ALMS1: variants seen among roughly 807,000 people sequenced by gnomAD.
ALMS1 encodes the protein ALMS1 centrosome and basal body associated protein.
In ALMS1, 271 loss-of-function variants were observed where a neutral mutation model predicts 352.2. The observed-to-expected ratio is 0.77, with a 90% CI of 0.70 to 0.85. ALMS1 has a LOEUF of 0.85. Among genes scored for constraint, ALMS1 ranks in the 40% least tolerant of loss-of-function variants. The pLI, the probability that ALMS1 is intolerant of heterozygous loss-of-function variation, is 0.00. For missense variants in ALMS1, 5,445 were observed against 4,870.7 expected (o/e 1.12, Z -3.51); for synonymous variants, 1,865 against 1,761.2 (o/e 1.06, Z -1.48).
At position 73,603,147 on chromosome 2, in the gene ALMS1, G is replaced by T. The variant is rs563639055; in HGVS notation, c.12299-94G>T. 4.6e-5 allele frequency: 55 copies of T among 1,185,200 alleles called. No individual in the cohort carries two copies. The African/African-American group carries it at 7.1e-4, about 15-fold the overall frequency. 73.4% of individuals were successfully genotyped at this position (1,185,200 alleles called of 1,614,324 possible). On this transcript the variant is annotated intron_variant, in intron 20 of 22. Transcript: ENST00000613296. ...TCAGTCTTGCCAGCTCAGGGTAGGG[G>T]CACCAAGTCCTAGCAGCTCCCTCTC...
At chr2:73,494,648 A>G (rs1308359250) in intron 10 of ALMS1, among the ~76,000 whole-genome samples, 2 of 152,204 alleles carry the variant, frequency 1.3e-5, no homozygotes, top group Non-Finnish European at 2.9e-5. Context: ...AGCTTCTTCA[A>G]TTTAGCATTG....
intron 16 of ALMS1, among the ~76,000 whole-genome samples, chr2:73,582,835 A>G (rs1488326385): frequency 2.6e-5 from 4 of 152,186 alleles, no homozygotes; most frequent in African/African-American, 9.7e-5. Context: ...TGCTGTGAAC[A>G]TGGGTATGTA....
At chr2:73,400,444 A>G (rs1372307364) in intron 1 of ALMS1, among the ~76,000 whole-genome samples, 1 of 152,154 alleles carries the variant, frequency 6.6e-6, no homozygotes. Flanking sequence ...CAGTAGGGTA[A>G]TACAGACTTC....
At chr2:73,605,313 G>C (rs1329960730) in intron 21 of ALMS1, among the ~76,000 whole-genome samples, 1 of 152,176 alleles carries the variant, frequency 6.6e-6, no homozygotes. Flanking sequence ...GAGATAAGCG[G>C]TGGCATTAAC....
chr2:73,588,927 T>G (rs944926773), intron 16 of ALMS1, among the ~76,000 whole-genome samples: 2 of 152,150 alleles, frequency 1.3e-5, no homozygotes, highest in African/African-American at 4.8e-5. Context: ...ATCCAAAGCG[T>G]AAATTTTTTT....
intron 10 of ALMS1, among the ~76,000 whole-genome samples, chr2:73,505,799 G>C (rs191656955): frequency 6.6e-6 from 1 of 152,226 alleles, no homozygotes; most frequent in Non-Finnish European, 1.5e-5. Context: ...AGTTTAATTA[G>C]ATCTAATTTG....
At chr2:73,527,792 T>G (rs997480571) in intron 11 of ALMS1, among the ~76,000 whole-genome samples, 1 of 152,064 alleles carries the variant, frequency 6.6e-6, no homozygotes, top group Non-Finnish European at 1.5e-5. Context: ...TTCTGCTAAT[T>G]ATGGATTTCA....
chr2:73,598,761 C>G (rs1675606855), intron 16 of ALMS1, among the ~76,000 whole-genome samples: 1 of 152,290 alleles, frequency 6.6e-6, no homozygotes, highest in East Asian at 1.9e-4. Flanking sequence ...TTAAGAAGCA[C>G]TATTTTACAC....
Position 73,600,862 on chromosome 2 carries a change from C to G in ALMS1, c.11853C>G (p.Asn3951Lys), listed in dbSNP as rs577759803. The change falls in exon 18 of 23, where the codon AAC becomes AAG. Residue 3951 changes from asparagine (N) to lysine (K), a missense_variant. Transcript: ENST00000613296. ...CTGAGGACAGAAAGTTAAAAAAGAA[C>G]AAGAAGAATTCCCATGAAGGTCAGT... The part of the protein sequence containing the change: ...GYPEDRKLKK[N>K]KKNSHEGVSW... The G allele has an allele frequency of 3.7e-6, 6 of 1,613,870 alleles. No homozygotes were observed. The highest frequency in any genetic ancestry group is 1.1e-5 in the South Asian group (1 of 91,038).
At chr2:73,592,278 T>G (rs748511247) in intron 16 of ALMS1, among the ~76,000 whole-genome samples, 20 of 152,214 alleles carry the variant, frequency 1.3e-4, no homozygotes, top group Admixed American at 3.3e-4. Context: ...AGGTAAGTAA[T>G]AGATAGTTAC....
At chr2:73,508,125 C>G (rs75593756) in intron 10 of ALMS1, among the ~76,000 whole-genome samples, 1 of 149,256 alleles carries the variant, frequency 6.7e-6, no homozygotes, top group South Asian at 2.1e-4. Context: ...CTTTTCTTTT[C>G]CTTTCCTTTC....
chr2:73,455,345 A>G (rs762928627), intron 9 of ALMS1, 50 bp downstream of exon 9: 6 of 1,607,046 alleles, frequency 3.7e-6, no homozygotes, highest in Non-Finnish European at 5.1e-6. Context: ...AGAATGGGTG[A>G]TGGAATTAGG....
chr2:73,490,059 AC>A lies in ALMS1; in HGVS notation c.8101del (p.Gln2701LysfsTer8), dbSNP rs1466765288. The part of the protein sequence containing the change: ...PKEVDFHSSS[Q>X]MPSPEPMKKF... ...AAGAAGTGGATTTTCATTCTTCATCACAAATGCCGTCCCCAGAACCCATGAA... is the reference window on the plus strand; with the variant it reads ...AAGAAGTGGATTTTCATTCTTCATCAAAATGCCGTCCCCAGAACCCATGAA... On this transcript the variant is annotated frameshift_variant, in exon 10 of 23. Transcript: ENST00000613296. LOFTEE classifies it high-confidence loss of function. 1.2e-6 allele frequency: 2 copies of A among 1,614,070 alleles called. No homozygotes were observed. The highest frequency in any genetic ancestry group is 1.7e-6 in the Non-Finnish European group (2 of 1,180,042).
At chr2:73,556,913 G>A (rs945663099) in intron 13 of ALMS1, among the ~76,000 whole-genome samples, 1 of 152,024 alleles carries the variant, frequency 6.6e-6, no homozygotes, top group Non-Finnish European at 1.5e-5. Flanking sequence ...TGTTGGCCAG[G>A]CTGGTCTCGA....
rs1204845230 is a variant in ALMS1, at chr2:73,448,271, A to G, written c.1744A>G (p.Ser582Gly). 6.2e-7 allele frequency: 1 copy of G among 1,613,968 alleles called. No homozygotes were observed. Among genetic ancestry groups the G allele is most frequent in the East Asian group, 2.2e-5 (1 of 44,862 alleles). ...TTCCCACTCACATAGGGGGAAGCCC[A>G]GCATTTTCTACCAGCAGGGCTTGCC... ...SSSHSHRGKPSIFYQQGLPDS... is the reference protein window; with the variant it reads ...SSSHSHRGKPGIFYQQGLPDS... The change falls in exon 8 of 23, where the codon AGC (serine) becomes GGC (glycine). Residue 582 changes from serine (S) to glycine (G), a missense_variant. Ser to Gly is a moderately conservative substitution (Grantham distance 56). Coordinates refer to ENST00000613296, the MANE Select transcript of ALMS1 (RefSeq NM_001378454.1).
At chr2:73,523,037 TAAC>T (rs922468619) in intron 11 of ALMS1, among the ~76,000 whole-genome samples, 1 of 152,196 alleles carries the variant, frequency 6.6e-6, no homozygotes, top group African/African-American at 2.4e-5. Context: ...ATCTTCCATC[TAAC>T]AACACTCATA....
intron 11 of ALMS1, among the ~76,000 whole-genome samples, chr2:73,522,309 C>T (rs1313841683): frequency 6.6e-6 from 1 of 152,104 alleles, no homozygotes; most frequent in Non-Finnish European, 1.5e-5. Context: ...TTAATATATA[C>T]CGATGGAGAA....
chr2:73,609,007 A>G (rs1675883454), intron 22 of ALMS1, among the ~76,000 whole-genome samples: 1 of 152,226 alleles, frequency 6.6e-6, no homozygotes, highest in Non-Finnish European at 1.5e-5. Context: ...GAGGCCTCCA[A>G]CTTGTCACCA....
At chr2:73,512,494 A>G (rs1029282609) in intron 10 of ALMS1, among the ~76,000 whole-genome samples, 8 of 151,922 alleles carry the variant, frequency 5.3e-5, no homozygotes, top group Admixed American at 3.9e-4. Context: ...CATTTTTAAT[A>G]TGCCCATTTA....
Sources: gnomAD v4.1 joint callset for allele counts (sites outside exome capture counted in the v4.1 genomes callset) on GRCh38, gnomAD v4.1.1 for gene constraint, MANE v1.5 for transcripts, NCBI Gene and HGNC (gene_info 2026-07-23, HGNC 2026-07-21) for gene names.